The following GRIK4 variants were observed in gnomAD, a reference collection of about 807,000 sequenced individuals.
GRIK4 encodes the protein glutamate receptor ionotropic, kainate 4.
In GRIK4, 40 loss-of-function variants were observed where a neutral mutation model predicts 104.9. That is an observed-to-expected ratio of 0.38 (90% CI 0.30 to 0.50). The LOEUF (loss-of-function observed/expected upper bound fraction) is 0.50. Among genes scored for constraint, GRIK4 ranks in the 20% least tolerant of loss-of-function variants. GRIK4 has a pLI of 0.93. For missense variants in GRIK4, 1,047 were observed against 1,308.1 expected (o/e 0.80, Z 3.08); for synonymous variants, 485 against 524.9 (o/e 0.92, Z 1.04).
At chr11:120,631,413 C>T (rs928966426) in intron 1 of GRIK4, among the ~76,000 whole-genome samples, 1 of 152,136 alleles carries the variant, frequency 6.6e-6, no homozygotes, top group African/African-American at 2.4e-5. Flanking sequence ...TTTGAGTAGC[C>T]AGGATGTGAC....
chr11:120,952,908 G>C lies in GRIK4; in HGVS notation c.1644G>C (p.Trp548Cys). ...TGGACCCATTTTCTCCGGGCGTCTG[G>C]CTCTTCATGCTTCTAGCCTATCTGG... is the stretch of plus-strand genomic sequence containing the variant. ...SFLDPFSPGV[W>C]LFMLLAYLAV... is the part of the protein sequence containing the mutation. Residue 548 changes from tryptophan (W) to cysteine (C), a missense_variant, in exon 15 of 21, where the codon TGG becomes TGC. Coordinates refer to ENST00000527524, the MANE Select transcript of GRIK4 (RefSeq NM_014619.5). This position sits in a 1 kb window ranked among gnomAD's most constrained non-coding sequence, Gnocchi z 5.2. 6.2e-7 allele frequency: 1 copy of C among 1,613,910 alleles called. No homozygotes were observed. Among genetic ancestry groups the C allele is most frequent in the Non-Finnish European group, 8.5e-7 (1 of 1,179,942 alleles).
chr11:120,771,860 A>T (rs1029708917), intron 3 of GRIK4, among the ~76,000 whole-genome samples: 2 of 152,230 alleles, frequency 1.3e-5, no homozygotes, highest in African/African-American at 4.8e-5. Flanking sequence ...TCAGGCAGAA[A>T]ATTGCTGCAG....
chr11:120,559,482 C>G (rs1171018956), intron 1 of GRIK4, among the ~76,000 whole-genome samples: 1 of 152,224 alleles, frequency 6.6e-6, no homozygotes, highest in Non-Finnish European at 1.5e-5. Context: ...TCAGGAGAAT[C>G]TAACTTACCT....
intron 1 of GRIK4, among the ~76,000 whole-genome samples, chr11:120,583,302 C>A (rs909770012): frequency 6.6e-6 from 1 of 152,158 alleles, no homozygotes; most frequent in Non-Finnish European, 1.5e-5. Context: ...TATAGGTTGT[C>A]TGTTTACTCT....
chr11:120,722,433 AC>A (rs907242276), intron 3 of GRIK4, among the ~76,000 whole-genome samples: 2 of 151,578 alleles, frequency 1.3e-5, no homozygotes, highest in African/African-American at 4.9e-5. Context: ...ACATGGTAAA[AC>A]CCCGTCTCTA....
At chr11:120,710,002 A>G (rs1950698432) in intron 3 of GRIK4, among the ~76,000 whole-genome samples, 2 of 152,240 alleles carry the variant, frequency 1.3e-5, no homozygotes, top group Non-Finnish European at 2.9e-5. Flanking sequence ...AGCCACGCAC[A>G]TACAAAGCAT....
chr11:120,719,931 C>T (rs147868961), intron 3 of GRIK4, among the ~76,000 whole-genome samples: 3 of 150,224 alleles, frequency 2.0e-5, no homozygotes, highest in Non-Finnish European at 4.4e-5. Flanking sequence ...TGAGAGCTAA[C>T]GGCTTAAATG....
At chr11:120,834,724 G>T (rs1320647829) in intron 7 of GRIK4, among the ~76,000 whole-genome samples, 1 of 152,208 alleles carries the variant, frequency 6.6e-6, no homozygotes, top group Non-Finnish European at 1.5e-5. Context: ...AGGAGGATTT[G>T]CAGAGCAATC....
At chr11:120,930,551 G>A (rs1424071824) in intron 13 of GRIK4, among the ~76,000 whole-genome samples, 1 of 152,164 alleles carries the variant, frequency 6.6e-6, no homozygotes, top group Non-Finnish European at 1.5e-5. Flanking sequence ...GTGAGTCCAG[G>A]CATCCTGTAC....
rs113607057 is a variant in GRIK4 at position 120,865,419 on chromosome 11, C to T, written c.906+3299C>T. 5.8e-3 allele frequency among the ~76,000 whole-genome samples: 878 copies of T among 152,374 alleles called. 1 individual carries two copies. The highest frequency in any genetic ancestry group is 0.011 in the Non-Finnish European group (742 of 68,036). ...CGAGGGAGCAGCTTGTCTAAGCTGG[C>T]TCAGTTGGGCAGCTCTGCTGCTCTG... On this transcript the variant is annotated intron_variant, in intron 9 of 20. Coordinates refer to ENST00000527524, the MANE Select transcript of GRIK4 (RefSeq NM_014619.5).
At position 120,549,888 on chromosome 11, in the gene GRIK4, T is replaced by C. The variant is rs139507493; in HGVS notation, c.-159+38001T>C. Among the ~76,000 whole-genome samples the C allele has an allele frequency of 1.3e-3, 202 of 152,332 alleles. No individual in the cohort carries two copies. Among genetic ancestry groups the C allele is most frequent in the African/African-American group, 4.7e-3 (197 of 41,580 alleles). On this transcript the variant is annotated intron_variant, in intron 1 of 20. Coordinates refer to ENST00000527524, the MANE Select transcript of GRIK4 (RefSeq NM_014619.5). This position sits in a 1 kb window ranked among gnomAD's most constrained non-coding sequence, Gnocchi z 4.7. ...TATGCTGGATGTTGAGATGTGAACC[T>C]GCGAGGTAGACGGCAGCCTCAGCCA...
intron 3 of GRIK4, among the ~76,000 whole-genome samples, chr11:120,712,914 G>T (rs1382818077): frequency 3.3e-5 from 5 of 152,154 alleles, no homozygotes; most frequent in African/African-American, 1.2e-4. Flanking sequence ...CGTGTCACTA[G>T]CCTGGATCCC....
intron 13 of GRIK4, among the ~76,000 whole-genome samples, chr11:120,930,022 T>C (rs1943450937): frequency 6.7e-6 from 1 of 149,162 alleles, no homozygotes; most frequent in South Asian, 2.1e-4. Context: ...GTCCCCTCCT[T>C]ACCCACGCTG....
rs1343149121 is a variant in GRIK4 at position 120,953,427 on chromosome 11, C to T, written c.1700+463C>T. Among the ~76,000 whole-genome samples the T allele has an allele frequency of 2.6e-5, 4 of 152,218 alleles. No individual in the cohort carries two copies. Among genetic ancestry groups the T allele is most frequent in the Admixed American group, 6.5e-5 (1 of 15,282 alleles). The stretch of plus-strand genomic sequence containing the variant: ...AGCCTGCAAATCTGGACTGGGGGCA[C>T]TGGGGGCTGCAGTGGAGCAGGCCAG... On this transcript the variant is annotated intron_variant, in intron 15 of 20. Coordinates refer to ENST00000527524, the MANE Select transcript of GRIK4 (RefSeq NM_014619.5). This position sits in a 1 kb window ranked among gnomAD's most constrained non-coding sequence, Gnocchi z 4.9.
intron 13 of GRIK4, among the ~76,000 whole-genome samples, chr11:120,912,572 G>A (rs925893388): frequency 1.3e-5 from 2 of 152,216 alleles, no homozygotes; most frequent in African/African-American, 4.8e-5. Flanking sequence ...GTTTCAGGGG[G>A]TGGCTGGATT....
At chr11:120,653,443 C>T (rs368494640) in intron 1 of GRIK4, among the ~76,000 whole-genome samples, 13 of 152,098 alleles carry the variant, frequency 8.5e-5, no homozygotes, top group African/African-American at 2.9e-4. Flanking sequence ...GCTCTGAGTG[C>T]GGTGCTCACA....
intron 3 of GRIK4, among the ~76,000 whole-genome samples, chr11:120,719,163 A>G (rs113948783): frequency 6.6e-6 from 1 of 152,200 alleles, no homozygotes; most frequent in Non-Finnish European, 1.5e-5. Flanking sequence ...GAGATCTCAC[A>G]TTCTTCTGCA....
intron 3 of GRIK4, among the ~76,000 whole-genome samples, chr11:120,698,916 T>C (rs974111494): frequency 6.6e-6 from 1 of 152,238 alleles, no homozygotes; most frequent in African/African-American, 2.4e-5. Context: ...TTGGATTTCG[T>C]TGGTCCCCTG....
intron 3 of GRIK4, among the ~76,000 whole-genome samples, chr11:120,795,686 G>A (rs940117518): frequency 5.9e-5 from 9 of 152,316 alleles, no homozygotes; most frequent in African/African-American, 1.9e-4. Context: ...AGGAATTTCT[G>A]TGGGAGTTCA....
Sources: gnomAD v4.1 joint callset for allele counts (sites outside exome capture counted in the v4.1 genomes callset) on GRCh38, gnomAD v4.1.1 for gene constraint, Gnocchi (gnomAD v3.1) non-coding constraint, MANE v1.5 for transcripts, NCBI Gene and HGNC (gene_info 2026-07-23, HGNC 2026-07-21) for gene names.